Variants in KALRN observed in about 807,000 individuals in gnomAD.
The protein encoded by KALRN is kalirin RhoGEF kinase.
In KALRN, 70 loss-of-function variants were observed where a neutral mutation model predicts 353.7. That is an observed-to-expected ratio of 0.20 (90% CI 0.16 to 0.24). The LOEUF (loss-of-function observed/expected upper bound fraction) is 0.24, where lower values mean the gene tolerates loss of function less well. KALRN is among the 10% of genes least tolerant of loss of function. The pLI, the probability that KALRN is intolerant of heterozygous loss-of-function variation, is 1.00. For synonymous variants in KALRN, 1,391 were observed against 1,434.8 expected, an observed-to-expected ratio of 0.97 and a Z score of 0.69; for missense variants, 2,791 against 3,756.7, an observed-to-expected ratio of 0.74 and a Z score of 6.72.
intron 51 of KALRN, among the ~76,000 whole-genome samples, chr3:124,684,676 C>T (rs995391803): frequency 1.3e-5 from 2 of 152,170 alleles, no homozygotes; most frequent in Admixed American, 6.5e-5. Context: ...CTTTGCTCTC[C>T]AGCACTTCTG....
chr3:124,550,143 G>T (rs540716924), intron 33 of KALRN, among the ~76,000 whole-genome samples: 4 of 152,284 alleles, frequency 2.6e-5, no homozygotes, highest in Admixed American at 6.5e-5. Context: ...ACAAAGGAAA[G>T]ACTTAATAGC....
chr3:124,121,546 A>G (rs2064030795), intron 1 of KALRN, among the ~76,000 whole-genome samples: 1 of 152,202 alleles, frequency 6.6e-6, no homozygotes, highest in Non-Finnish European at 1.5e-5. Context: ...ATATTGCACA[A>G]GTCACCCATG....
intron 33 of KALRN, among the ~76,000 whole-genome samples, chr3:124,532,892 G>A (rs1343128098): frequency 1.3e-5 from 2 of 148,758 alleles, no homozygotes; most frequent in Non-Finnish European, 3.0e-5. Context: ...TTTTTAATCA[G>A]TATACTTTCC....
At chr3:124,295,669 G>C (rs954628223) in intron 5 of KALRN, among the ~76,000 whole-genome samples, 5 of 152,164 alleles carry the variant, frequency 3.3e-5, no homozygotes, top group African/African-American at 1.2e-4. Context: ...AGTGTATGGA[G>C]TGAGCGCTTT....
At chr3:124,439,981 T>C (rs936313120) in intron 18 of KALRN, among the ~76,000 whole-genome samples, 21 of 152,244 alleles carry the variant, frequency 1.4e-4, no homozygotes, top group Non-Finnish European at 2.4e-4. Flanking sequence ...TATTCAATTC[T>C]GTAATTAACT....
At chr3:124,659,112 G>T (rs1165746013) in intron 42 of KALRN, among the ~76,000 whole-genome samples, 1 of 152,062 alleles carries the variant, frequency 6.6e-6, no homozygotes. Flanking sequence ...CCAGGACTGG[G>T]ATGAAGACCA....
intron 1 of KALRN, among the ~76,000 whole-genome samples, chr3:124,109,584 T>C (rs1207290438): frequency 2.6e-5 from 4 of 151,784 alleles, no homozygotes; most frequent in Non-Finnish European, 5.9e-5. Context: ...ATCTGAAGTC[T>C]TTATGGGTTG....
intron 33 of KALRN, among the ~76,000 whole-genome samples, chr3:124,524,641 T>C (rs1430931859): frequency 6.6e-6 from 1 of 152,170 alleles, no homozygotes; most frequent in Non-Finnish European, 1.5e-5. Context: ...GAATGCAAGA[T>C]TCAATGAGCT....
At chr3:124,270,527 G>A (rs1456511684) in intron 5 of KALRN, among the ~76,000 whole-genome samples, 1 of 151,990 alleles carries the variant, frequency 6.6e-6, no homozygotes, top group East Asian at 1.9e-4. Flanking sequence ...AGTATATGCA[G>A]TTTTTTTAAT....
At chr3:124,254,479 C>G (rs1393006608) in intron 3 of KALRN, among the ~76,000 whole-genome samples, 2 of 144,902 alleles carry the variant, frequency 1.4e-5, no homozygotes, top group Non-Finnish European at 3.0e-5. Flanking sequence ...ATACTGGAGT[C>G]AAACAAAACA....
At chr3:124,053,621 A>C (rs1312580844) in intron 1 of KALRN, among the ~76,000 whole-genome samples, 1 of 151,986 alleles carries the variant, frequency 6.6e-6, no homozygotes, top group Non-Finnish European at 1.5e-5. Flanking sequence ...CAAAACGTTA[A>C]AAAAAAACCC....
chr3:124,571,811 A>G (rs1465915861), intron 34 of KALRN, among the ~76,000 whole-genome samples: 2 of 151,346 alleles, frequency 1.3e-5, no homozygotes, highest in South Asian at 4.2e-4. Context: ...ATTTTTTTGT[A>G]GAGATGAGGT....
At chr3:124,631,421 C>T (rs1329766372) in intron 34 of KALRN, among the ~76,000 whole-genome samples, 3 of 152,196 alleles carry the variant, frequency 2.0e-5, no homozygotes, top group Non-Finnish European at 2.9e-5. Flanking sequence ...ATATTTCCTC[C>T]CTGAGTCCTG....
At chr3:124,697,388 AT>A (rs2062104669) in intron 54 of KALRN, among the ~76,000 whole-genome samples, 2 of 152,212 alleles carry the variant, frequency 1.3e-5, no homozygotes, top group African/African-American at 4.8e-5. Flanking sequence ...AGGGTGCAGT[AT>A]TTAGCCCAAG....
intron 33 of KALRN, among the ~76,000 whole-genome samples, chr3:124,536,387 A>T (rs1393428865): frequency 6.6e-6 from 1 of 151,980 alleles, no homozygotes; most frequent in Non-Finnish European, 1.5e-5. Context: ...TTTTTAGTAG[A>T]GATGGGGTTT....
At chr3:124,038,566 T>G (rs1376938711) in intron 1 of KALRN, among the ~76,000 whole-genome samples, 2 of 152,106 alleles carry the variant, frequency 1.3e-5, no homozygotes, top group Non-Finnish European at 2.9e-5. Context: ...AGAGTTTAGC[T>G]TTGGTAAGCA....
rs200541773 is a variant in KALRN at position 124,366,048 on chromosome 3, G to GT, written c.1771-18789dup. 7.6e-3 allele frequency among the ~76,000 whole-genome samples: 1,159 copies of GT among 151,966 alleles called. 9 individuals carry two copies. Among genetic ancestry groups the GT allele is most frequent in the African/African-American group, 0.026 (1,073 of 41,416 alleles). Reference sequence around the variant, plus strand: ...CTTCATAGGTGATCATTTTTAGTGAGTTTTTTTTGCATATGTGTGTCATAC... The same window carrying GT: ...CTTCATAGGTGATCATTTTTAGTGAGTTTTTTTTTGCATATGTGTGTCATAC... On this transcript the variant is annotated intron_variant, in intron 10 of 59. Transcript: ENST00000682506.
chr3:124,541,826 G>A (rs192427452), intron 33 of KALRN, among the ~76,000 whole-genome samples: 171 of 152,094 alleles, frequency 1.1e-3, no homozygotes, highest in African/African-American at 3.9e-3. Context: ...CAGGAGGTGG[G>A]AGTTGCAGTG....
chr3:124,112,162 G>T (rs1415353163), intron 1 of KALRN, among the ~76,000 whole-genome samples: 1 of 152,046 alleles, frequency 6.6e-6, no homozygotes, highest in Non-Finnish European at 1.5e-5. Flanking sequence ...AATTAGTCAG[G>T]TGCAGTGGTG....
Sources: gnomAD v4.1 joint callset for allele counts (sites outside exome capture counted in the v4.1 genomes callset) on GRCh38, gnomAD v4.1.1 for gene constraint, MANE v1.5 for transcripts, NCBI Gene and HGNC (gene_info 2026-07-23, HGNC 2026-07-21) for gene names.